The following VAV3 variants were observed in gnomAD, a reference collection of about 807,000 sequenced individuals.
VAV3 encodes guanine nucleotide exchange factor VAV3.
In VAV3, 94 loss-of-function variants were observed where a neutral mutation model predicts 131.2. The observed-to-expected ratio is 0.72, with a 90% CI of 0.61 to 0.85. The LOEUF (loss-of-function observed/expected upper bound fraction) is 0.85. Ranked by LOEUF, VAV3 falls within the 40% of genes least tolerant of loss-of-function variation. The pLI, the probability that VAV3 is intolerant of heterozygous loss-of-function variation, is 0.00. For missense variants in VAV3, 939 were observed against 1,002.7 expected (o/e 0.94, Z 0.86); for synonymous variants, 349 against 342.0 (o/e 1.02, Z -0.22).
intron 1 of VAV3, among the ~76,000 whole-genome samples, chr1:107,918,164 G>C (rs1350710464): frequency 6.6e-6 from 1 of 152,176 alleles, no homozygotes; most frequent in Non-Finnish European, 1.5e-5. Context: ...AGTGTGAAAA[G>C]CACCTTTGGG....
intron 1 of VAV3, among the ~76,000 whole-genome samples, chr1:107,898,043 G>A (rs755766076): frequency 1.3e-5 from 2 of 151,740 alleles, no homozygotes; most frequent in Non-Finnish European, 2.9e-5. Context: ...TTGTTCTCCA[G>A]AGATTTTAGA....
intron 1 of VAV3, among the ~76,000 whole-genome samples, chr1:107,906,135 T>A (rs902469709): frequency 1.3e-5 from 2 of 152,326 alleles, no homozygotes; most frequent in East Asian, 3.9e-4. Flanking sequence ...GCAGATCCAC[T>A]GATGAGCCCC....
intron 1 of VAV3, among the ~76,000 whole-genome samples, chr1:107,920,226 A>G (rs553589269): frequency 1.3e-5 from 2 of 152,346 alleles, no homozygotes; most frequent in South Asian, 4.1e-4. Flanking sequence ...ATAAAACGGG[A>G]ACAGTACTGG....
intron 17 of VAV3, among the ~76,000 whole-genome samples, chr1:107,703,548 G>A (rs1185240459): frequency 6.6e-6 from 1 of 152,154 alleles, no homozygotes; most frequent in Non-Finnish European, 1.5e-5. Flanking sequence ...GGCACAGAGG[G>A]TCCTTTTAAA....
At chr1:107,944,131 A>G (rs781276288) in intron 1 of VAV3, among the ~76,000 whole-genome samples, 1 of 152,252 alleles carries the variant, frequency 6.6e-6, no homozygotes, top group Non-Finnish European at 1.5e-5. Flanking sequence ...AGGAGCAAAG[A>G]TACAGAAAAC....
At chr1:107,730,205 T>C (rs896766086) in intron 15 of VAV3, among the ~76,000 whole-genome samples, 1 of 152,226 alleles carries the variant, frequency 6.6e-6, no homozygotes, top group African/African-American at 2.4e-5. Flanking sequence ...GTCTAAAGTG[T>C]ACCCTGAAGG....
chr1:107,945,085 T>C (rs1353897447), intron 1 of VAV3, among the ~76,000 whole-genome samples: 1 of 152,214 alleles, frequency 6.6e-6, no homozygotes, highest in Non-Finnish European at 1.5e-5. Flanking sequence ...TGGCTCAAGA[T>C]GATTCTATGC....
chr1:107,601,004 A>G (rs1173000759), intron 24 of VAV3, among the ~76,000 whole-genome samples: 2 of 152,156 alleles, frequency 1.3e-5, no homozygotes, highest in African/African-American at 4.8e-5. Flanking sequence ...TGCAGGTGAA[A>G]GCTCAAGCTG....
intron 1 of VAV3, among the ~76,000 whole-genome samples, chr1:107,876,834 A>G (rs1670523525): frequency 6.6e-6 from 1 of 152,150 alleles, no homozygotes; most frequent in South Asian, 2.1e-4. Context: ...AAAAAAATGG[A>G]AAAAAACCTA....
intron 2 of VAV3, among the ~76,000 whole-genome samples, chr1:107,807,438 A>T (rs1667110112): frequency 1.3e-5 from 2 of 152,310 alleles, no homozygotes; most frequent in South Asian, 4.1e-4. Context: ...ACTTTTAGAG[A>T]TACTCTTAAA....
At position 107,683,511 on chromosome 1, in the gene VAV3, C is replaced by A. The variant is rs1003316974; in HGVS notation, c.1754G>T (p.Arg585Ile). 5.0e-6 allele frequency: 8 copies of A among 1,613,910 alleles called. No individual in the cohort carries two copies. The highest frequency in any genetic ancestry group is 5.1e-6 in the Non-Finnish European group (6 of 1,179,916). ...ACCTGGATCCACCTGTTTAGGAGTTCTTCGCAGTCCATTGGTCCGTTTCTG... is the reference window on the plus strand; with the variant it reads ...ACCTGGATCCACCTGTTTAGGAGTTATTCGCAGTCCATTGGTCCGTTTCTG... ...LPEKRTNGLR[R>I]TPKQVDPGLP... Residue 585 changes from arginine to isoleucine, a missense_variant, in exon 19 of 27, where the codon AGA becomes ATA. By Grantham distance (97) the Arg-to-Ile change is moderately conservative (BLOSUM62 -3). Transcript: ENST00000370056.
chr1:107,925,509 A>G (rs1418693603), intron 1 of VAV3, among the ~76,000 whole-genome samples: 2 of 152,228 alleles, frequency 1.3e-5, no homozygotes, highest in Non-Finnish European at 2.9e-5. Context: ...AATTTCAGGA[A>G]GGAAATTCTG....
At chr1:107,687,959 A>G (rs548967185) in intron 18 of VAV3, among the ~76,000 whole-genome samples, 2 of 152,328 alleles carry the variant, frequency 1.3e-5, no homozygotes, top group African/African-American at 4.8e-5. Flanking sequence ...ATGGAAAAGT[A>G]CTAGAAACAT....
intron 2 of VAV3, among the ~76,000 whole-genome samples, chr1:107,835,207 G>C (rs1300617279): frequency 6.6e-6 from 1 of 152,158 alleles, no homozygotes; most frequent in Non-Finnish European, 1.5e-5. Flanking sequence ...GCTCCCACAA[G>C]AGCATGCACA....
chr1:107,712,892 G>A (rs1459973644), intron 15 of VAV3, among the ~76,000 whole-genome samples: 6 of 152,114 alleles, frequency 3.9e-5, no homozygotes, highest in Non-Finnish European at 5.9e-5. Flanking sequence ...TGACCTTGTC[G>A]GTGTATTACC....
intron 2 of VAV3, among the ~76,000 whole-genome samples, chr1:107,803,251 T>G (rs1322632286): frequency 6.6e-5 from 10 of 152,050 alleles, no homozygotes; most frequent in African/African-American, 9.6e-5. Context: ...TTTAAAGGTT[T>G]GTCAATATTG....
At chr1:107,816,498 A>C (rs887991364) in intron 2 of VAV3, among the ~76,000 whole-genome samples, 1 of 152,138 alleles carries the variant, frequency 6.6e-6, no homozygotes, top group Non-Finnish European at 1.5e-5. Flanking sequence ...TGGCTTACAC[A>C]ATCTCATTTC....
At chr1:107,852,056 T>C (rs1225560957) in intron 2 of VAV3, among the ~76,000 whole-genome samples, 6 of 152,174 alleles carry the variant, frequency 3.9e-5, no homozygotes, top group Admixed American at 2.0e-4. Context: ...ACAATTAAGT[T>C]ATCATACCTC....
At position 107,573,322 on chromosome 1, in the gene VAV3, G is replaced by A; in HGVS notation, c.*9C>T. ...ATTTTTGGTGCAGGGTGCAACACGG[G>A]ATTTGAATTTATTCATCCTCTTCCA... On this transcript the variant is annotated 3_prime_UTR_variant, in exon 27 of 27. Transcript: ENST00000370056. The A allele has an allele frequency of 6.2e-7, 1 of 1,614,000 alleles. No homozygotes were observed.
Sources: allele counts gnomAD v4.1 joint callset (sites outside exome capture counted in the v4.1 genomes callset), GRCh38; gene constraint gnomAD v4.1.1; transcripts MANE v1.5; gene names NCBI Gene and HGNC (gene_info 2026-07-23, HGNC 2026-07-21).